Variants in ITGAD observed in about 807,000 individuals in gnomAD.
ITGAD encodes the protein integrin subunit alpha D, also known as integrin alpha-D.
A neutral mutation model predicts 139.0 loss-of-function variants in ITGAD; 105 were observed. The observed-to-expected ratio is 0.76, with a 90% CI of 0.65 to 0.89. The LOEUF is 0.89. Among genes scored for constraint, ITGAD ranks in the 40% least tolerant of loss-of-function variants. ITGAD has a pLI of 0.00. For synonymous variants in ITGAD, 569 were observed against 598.3 expected, an observed-to-expected ratio of 0.95 and a Z score of 0.71; for missense variants, 1,384 against 1,487.3, an observed-to-expected ratio of 0.93 and a Z score of 1.14.
Position 31,397,808 on chromosome 16 carries a change from C to T in ITGAD, c.326C>T (p.Thr109Ile). ...TTCTGCCTCCAGGCCTGTGGCCCGA[C>T]CCTGCACAGAGTCTGTGGGGAGAAC... ...NGSRLLACGP[T>I]LHRVCGENSY... The change falls in exon 5 of 30, where the codon ACC (threonine) becomes ATC (isoleucine). Residue 109 changes from threonine to isoleucine, a missense_variant. Coordinates refer to ENST00000389202, the MANE Select transcript of ITGAD (RefSeq NM_005353.3). 6.2e-7 allele frequency: 1 copy of T among 1,613,350 alleles called. No individual in the cohort carries two copies. The highest frequency in any genetic ancestry group is 1.1e-5 in the South Asian group (1 of 91,038).
intron 6 of ITGAD, chr16:31,402,508 C>A (rs2081433732): frequency 3.5e-6 from 1 of 286,804 alleles, no homozygotes; most frequent in Non-Finnish European, 6.6e-6. Flanking sequence ...AATAATTTTG[C>A]TATGGAATTT....
chr16:31,397,556 T>G, intron 3 of ITGAD, 40 bp from the exon 4 acceptor site: 1 of 1,602,736 alleles, frequency 6.2e-7, no homozygotes, highest in Non-Finnish European at 8.5e-7. Flanking sequence ...CGCAAATGAG[T>G]GTGTGCTGTG....
chr16:31,411,494 G>A lies in ITGAD; in HGVS notation c.1684G>A (p.Gly562Ser), dbSNP rs141116692. Residue 562 changes from glycine (G) to serine (S), a missense_variant, in exon 14 of 30, where the codon GGC becomes AGC. Physicochemically the swap from Gly to Ser is moderately conservative, Grantham distance 56 (BLOSUM62 0). Coordinates refer to ENST00000389202, the MANE Select transcript of ITGAD (RefSeq NM_005353.3). Reference sequence around the variant, plus strand: ...CCTGTTTCACGGAGCCTCAGAATCCGGCATCAGCCCCTCCCACAGCCAGGT... The same window carrying A: ...CCTGTTTCACGGAGCCTCAGAATCCAGCATCAGCCCCTCCCACAGCCAGGT... ...VYLFHGASES[G>S]ISPSHSQRIA... 2,220 of 1,613,802 alleles carry A rather than the reference G, an allele frequency of 1.4e-3. 5 individuals carry two copies. The highest frequency in any genetic ancestry group is 1.7e-3 in the Non-Finnish European group (1,951 of 1,179,706).
At chr16:31,394,151 G>GA (rs1486250564) in intron 1 of ITGAD, 85 bp from the exon 2 acceptor site, 17 of 596,040 alleles carry the variant, frequency 2.9e-5, no homozygotes, top group Admixed American at 1.0e-4. Flanking sequence ...AAAAAAAAAA[G>GA]AAAAAAAAGA....
At chr16:31,396,914 A>G (rs1011663087) in intron 2 of ITGAD, among the ~76,000 whole-genome samples, 2 of 152,186 alleles carry the variant, frequency 1.3e-5, no homozygotes, top group Non-Finnish European at 2.9e-5. Flanking sequence ...TACAGAATCA[A>G]CTATTTGTTT....
chr16:31,410,289 A>G (rs1378337687), intron 10 of ITGAD, 106 bp from the exon 11 acceptor site: 1 of 1,507,466 alleles, frequency 6.6e-7, no homozygotes, highest in Non-Finnish European at 9.1e-7. Context: ...GGGAAGACAG[A>G]GAAGAAAAGC....
At chr16:31,424,614 G>A (rs1418494812) in intron 29 of ITGAD, 37 bp downstream of exon 29, 2 of 1,014,500 alleles carry the variant, frequency 2.0e-6, no homozygotes, top group Non-Finnish European at 1.4e-6. Context: ...TTTTTTTTTT[G>A]AGATGGAGTT....
At chr16:31,418,422 C>T in intron 22 of ITGAD, 42 bp downstream of exon 22, 1 of 1,607,692 alleles carries the variant, frequency 6.2e-7, no homozygotes. Flanking sequence ...CATCGCATGC[C>T]CCGGCTAGAG....
rs1233695751 is a variant in ITGAD at position 31,423,454 on chromosome 16, T to C, written c.2962T>C (p.Ser988Pro). ...AVWDVVMEAPSQSLPCVSERK... is the reference protein window; with the variant it reads ...AVWDVVMEAPPQSLPCVSERK... The stretch of plus-strand genomic sequence containing the variant: ...GTGGGATGTGGTCATGGAGGCCCCA[T>C]CTCAGGTACCCGCCTATCTCTCCTC... The change falls in exon 25 of 30, where the codon TCT (serine) becomes CCT (proline). Residue 988 changes from serine to proline, a missense_variant. Coordinates refer to ENST00000389202, the MANE Select transcript of ITGAD (RefSeq NM_005353.3). 6.2e-7 allele frequency: 1 copy of C among 1,613,498 alleles called. No individual in the cohort carries two copies. The highest frequency in any genetic ancestry group is 8.5e-7 in the Non-Finnish European group (1 of 1,179,580).
At position 31,424,480 on chromosome 16, in the gene ITGAD, T is replaced by C. The variant is rs758322584; in HGVS notation, c.3275T>C (p.Leu1092Pro). 1.2e-6 allele frequency: 2 copies of C among 1,613,490 alleles called. No individual in the cohort carries two copies. The highest frequency in any genetic ancestry group is 1.1e-5 in the South Asian group (1 of 91,038). Reference protein sequence around the residue: ...AFMRAQMEMVLEEDEVYNAIP... With the variant: ...AFMRAQMEMVPEEDEVYNAIP... ...TCTCTAAATCAGATGGAGATGGTGC[T>C]AGAAGAAGACGAGGTCTACAATGCC... Residue 1092 changes from leucine to proline, a missense_variant, in exon 29 of 30, where the codon CTA becomes CCA. Coordinates refer to ENST00000389202, the MANE Select transcript of ITGAD (RefSeq NM_005353.3).
intron 7 of ITGAD, among the ~76,000 whole-genome samples, chr16:31,405,877 G>A (rs965206596): frequency 3.3e-5 from 5 of 151,860 alleles, no homozygotes; most frequent in South Asian, 2.1e-4. Context: ...TCCGGGCCTC[G>A]AGAGAGCCTC....
At chr16:31,420,374 A>G (rs901287283) in intron 23 of ITGAD, among the ~76,000 whole-genome samples, 16 of 150,940 alleles carry the variant, frequency 1.1e-4, no homozygotes, top group Admixed American at 6.6e-5. Flanking sequence ...AGACTGTAAC[A>G]CTGCTGTGGG....
chr16:31,395,667 GC>G (rs2081248099), intron 2 of ITGAD, among the ~76,000 whole-genome samples: 1 of 152,196 alleles, frequency 6.6e-6, no homozygotes, highest in African/African-American at 2.4e-5. Flanking sequence ...TTATGAACCT[GC>G]CCCCACTTCC....
chr16:31,408,553 C>A, intron 10 of ITGAD, 55 bp downstream of exon 10: 2 of 1,515,574 alleles, frequency 1.3e-6, no homozygotes, highest in Non-Finnish European at 1.8e-6. Context: ...CTGCACCCAC[C>A]CTGGGCTGGG....
intron 29 of ITGAD, among the ~76,000 whole-genome samples, chr16:31,424,894 C>T (rs13336697): frequency 0.036 from 5,510 of 152,026 alleles, 322 homozygotes; most frequent in African/African-American, 0.13. Flanking sequence ...CCACCTCATC[C>T]GGCCTTATCC....
intron 23 of ITGAD, among the ~76,000 whole-genome samples, chr16:31,418,904 A>G (rs2081952900): frequency 6.6e-6 from 1 of 151,882 alleles, no homozygotes; most frequent in Non-Finnish European, 1.5e-5. Flanking sequence ...CGTGCCTGTA[A>G]TCCCAGCTAC....
intron 5 of ITGAD, among the ~76,000 whole-genome samples, chr16:31,400,214 T>C (rs752239588): frequency 6.6e-5 from 10 of 152,238 alleles, no homozygotes; most frequent in Non-Finnish European, 8.8e-5. Flanking sequence ...GCCTGCCCCA[T>C]GGATGTCAAG....
intron 23 of ITGAD, among the ~76,000 whole-genome samples, chr16:31,419,812 CAAAAAAAAA>C (rs1202333629): frequency 5.1e-5 from 3 of 58,258 alleles, no homozygotes; most frequent in Non-Finnish European, 1.1e-4. Context: ...GGCTCTGTCT[CAAAAAAAAA>C]AAAAAAAAAA....
intron 2 of ITGAD, among the ~76,000 whole-genome samples, 200 bp from the exon 3 acceptor site, chr16:31,397,159 A>G (rs2142580422): frequency 6.6e-6 from 1 of 151,810 alleles, no homozygotes. Context: ...CTCAAAACCA[A>G]ATAAACCCCA....
Sources: gnomAD v4.1 joint callset for allele counts (sites outside exome capture counted in the v4.1 genomes callset) on GRCh38, gnomAD v4.1.1 for gene constraint, MANE v1.5 for transcripts, NCBI Gene and HGNC (gene_info 2026-07-23, HGNC 2026-07-21) for gene names.